FILIP1: variants seen among roughly 807,000 people sequenced by gnomAD.
FILIP1 encodes filamin A interacting protein 1, also known as filamin-A-interacting protein 1.
FILIP1 carries 61 observed loss-of-function variants against 102.1 expected under a neutral mutation model. The ratio of observed to expected loss-of-function variants is 0.60; its 90% confidence interval spans 0.49 to 0.74. FILIP1 has a LOEUF of 0.74. FILIP1 is among the 30% of genes least tolerant of loss of function. FILIP1 has a pLI of 0.00. For missense variants in FILIP1, 1,314 were observed against 1,441.2 expected, an observed-to-expected ratio of 0.91 and a Z score of 1.43; for synonymous variants, 491 against 526.9, an observed-to-expected ratio of 0.93 and a Z score of 0.93.
rs7770568 is a variant in FILIP1, at chr6:75,372,757, A to G, written c.277-9840T>C. ...AAGAAAGAAAGAAAGAAAGAAAGAA[A>G]GAAAGAAAGAAAGAAAGAAAGAAAG... On this transcript the variant is annotated intron_variant, in intron 2 of 5. Coordinates refer to ENST00000237172, the MANE Select transcript of FILIP1 (RefSeq NM_015687.5). Among the ~76,000 whole-genome samples the G allele has an allele frequency of 1.7e-3, 49 of 29,418 alleles. 5 individuals are homozygous for G. The highest frequency in any genetic ancestry group is 5.1e-3 in the African/African-American group (38 of 7,408). The allele number at this position is 29,418 out of a possible 152,430, so 19.3% of individuals were successfully genotyped here.
At chr6:75,319,737 G>A in intron 4 of FILIP1, 1 of 315,884 alleles carries the variant, frequency 3.2e-6, no homozygotes, top group South Asian at 3.5e-5. Context: ...GGCTGAGGCA[G>A]GATAATTGTG....
chr6:75,369,704 C>G (rs529835122), intron 2 of FILIP1, among the ~76,000 whole-genome samples: 53 of 152,292 alleles, frequency 3.5e-4, no homozygotes, highest in Middle Eastern at 3.4e-3. Context: ...TGGAGATAAA[C>G]ATGGTGCATC....
intron 2 of FILIP1, among the ~76,000 whole-genome samples, chr6:75,379,424 CAG>C (rs768290230): frequency 3.3e-5 from 5 of 152,106 alleles, no homozygotes; most frequent in East Asian, 1.9e-4. Context: ...CAGAAAAAGA[CAG>C]AGAGAGAGAG....
At chr6:75,403,524 A>AAAAAAAAAAAAAAAAAAAAAAAAAAAAG (rs55907855) in intron 2 of FILIP1, among the ~76,000 whole-genome samples, 1 of 134,690 alleles carries the variant, frequency 7.4e-6, no homozygotes. Context: ...CAAAAAAAAA[A>AAAAAAAAAAAAAAAAAAAAAAAAAAAAG]AAAAAAGAAA....
intron 4 of FILIP1, among the ~76,000 whole-genome samples, chr6:75,349,734 C>T (rs1774722282): frequency 2.0e-5 from 3 of 152,162 alleles, no homozygotes; most frequent in Admixed American, 2.0e-4. Flanking sequence ...TGCGCCTCGG[C>T]GGGAGCCTCC....
chr6:75,332,133 T>G (rs1305524800), intron 4 of FILIP1, among the ~76,000 whole-genome samples: 1 of 152,164 alleles, frequency 6.6e-6, no homozygotes, highest in African/African-American at 2.4e-5. Flanking sequence ...TACTTTGTTA[T>G]AGCAGCCTGA....
chr6:75,407,855 G>T (rs531299099), intron 2 of FILIP1, among the ~76,000 whole-genome samples: 1 of 151,998 alleles, frequency 6.6e-6, no homozygotes, highest in Non-Finnish European at 1.5e-5. Flanking sequence ...CTATTTTTTT[G>T]CATCAAGAAA....
At chr6:75,475,004 C>T (rs1448825368) in intron 1 of FILIP1, among the ~76,000 whole-genome samples, 1 of 152,056 alleles carries the variant, frequency 6.6e-6, no homozygotes, top group South Asian at 2.1e-4. Flanking sequence ...TTCCTGAGGC[C>T]TCCCCAAGAG....
chr6:75,449,282 CG>C (rs1778544057), intron 1 of FILIP1, among the ~76,000 whole-genome samples: 1 of 151,878 alleles, frequency 6.6e-6, no homozygotes, highest in Non-Finnish European at 1.5e-5. Context: ...GCTATGAAGA[CG>C]CAAAGGCATA....
chr6:75,415,012 C>G, intron 1 of FILIP1, 34 bp from the exon 2 acceptor site: 1 of 1,568,178 alleles, frequency 6.4e-7, no homozygotes, highest in South Asian at 1.2e-5. Flanking sequence ...ATAAGATGTT[C>G]TTTACCACCA....
At chr6:75,389,861 T>C (rs961970860) in intron 2 of FILIP1, among the ~76,000 whole-genome samples, 7 of 152,146 alleles carry the variant, frequency 4.6e-5, no homozygotes, top group Admixed American at 4.6e-4. Context: ...TCTTCCACTG[T>C]GCTCTCTGAA....
At chr6:75,369,289 TA>T (rs1459724463) in intron 2 of FILIP1, among the ~76,000 whole-genome samples, 1 of 152,188 alleles carries the variant, frequency 6.6e-6, no homozygotes, top group African/African-American at 2.4e-5. Flanking sequence ...TGTGTGAGAC[TA>T]AGGGAAGCTG....
chr6:75,354,191 T>C (rs1774907248), intron 3 of FILIP1, among the ~76,000 whole-genome samples: 1 of 152,206 alleles, frequency 6.6e-6, no homozygotes, highest in Non-Finnish European at 1.5e-5. Context: ...TGCTAAGCAA[T>C]TTTCCAAAGA....
Position 75,480,731 on chromosome 6 carries a change from T to C in FILIP1, c.-7+12683A>G, listed in dbSNP as rs536470646. 2.0e-5 allele frequency among the ~76,000 whole-genome samples: 3 copies of C among 152,220 alleles called. No individual in the cohort carries two copies. The South Asian group carries it at 6.2e-4, about 32-fold the overall frequency. ...CATCTGTTTTTAAACATATTGAGAGTAGTCACTGTTTAGAAAAAATACTCA... is the reference window on the plus strand; with the variant it reads ...CATCTGTTTTTAAACATATTGAGAGCAGTCACTGTTTAGAAAAAATACTCA... On this transcript the variant is annotated intron_variant, in intron 1 of 5. Transcript: ENST00000237172.
At chr6:75,428,623 T>G (rs1356950583) in intron 1 of FILIP1, 1 of 154,166 alleles carries the variant, frequency 6.5e-6, no homozygotes, top group Non-Finnish European at 1.5e-5. Flanking sequence ...CCAGCAACTC[T>G]GCCTTCTCAA....
intron 1 of FILIP1, among the ~76,000 whole-genome samples, chr6:75,469,386 AC>A: frequency 6.6e-6 from 1 of 152,010 alleles, no homozygotes; most frequent in Non-Finnish European, 1.5e-5. Flanking sequence ...TTACACTATC[AC>A]AAAAAAGTAG....
intron 1 of FILIP1, among the ~76,000 whole-genome samples, chr6:75,493,039 A>G (rs956636963): frequency 2.6e-5 from 4 of 152,232 alleles, no homozygotes; most frequent in African/African-American, 9.6e-5. Context: ...CAGTAAATGA[A>G]AGTTATTTTA....
chr6:75,372,709 GAAAGGAAAGAAAGAGAAAGAGAAA>G (rs1775594055), intron 2 of FILIP1, among the ~76,000 whole-genome samples: 1 of 36,960 alleles, frequency 2.7e-5, no homozygotes. Flanking sequence ...AAGAAAGAAA[GAAAGGAAAGAAAGAGAAAGAGAAA>G]GAAAGAAAGA....
At chr6:75,408,937 G>A (rs1376397345) in intron 2 of FILIP1, among the ~76,000 whole-genome samples, 1 of 152,116 alleles carries the variant, frequency 6.6e-6, no homozygotes, top group Admixed American at 6.6e-5. Flanking sequence ...ACATGGCCCT[G>A]TGGCATCCCT....
Sources: allele counts gnomAD v4.1 joint callset (sites outside exome capture counted in the v4.1 genomes callset), GRCh38; gene constraint gnomAD v4.1.1; transcripts MANE v1.5; gene names NCBI Gene and HGNC (gene_info 2026-07-23, HGNC 2026-07-21).